The following LRP6 variants were observed in gnomAD, a reference collection of about 807,000 sequenced individuals.
LRP6 encodes the protein LDL receptor related protein 6.
LRP6 carries 43 observed loss-of-function variants against 184.1 expected under a neutral mutation model. The ratio of observed to expected loss-of-function variants is 0.23; its 90% CI spans 0.18 to 0.30. LRP6 has a LOEUF of 0.30. LRP6 is among the 10% of genes least tolerant of loss of function. LRP6 has a pLI of 1.00. For missense variants in LRP6, 1,571 were observed against 2,005.3 expected (o/e 0.78, Z 4.14); for synonymous variants, 719 against 684.9 (o/e 1.05, Z -0.78).
At chr12:12,220,664 T>C (rs935837021) in intron 2 of LRP6, among the ~76,000 whole-genome samples, 17 of 150,800 alleles carry the variant, frequency 1.1e-4, no homozygotes, top group Admixed American at 1.1e-3. Context: ...GGTGGTACAA[T>C]CTCAGCTCAC....
intron 9 of LRP6, among the ~76,000 whole-genome samples, chr12:12,163,493 T>A (rs1862792849): frequency 6.6e-6 from 1 of 152,188 alleles, no homozygotes; most frequent in Non-Finnish European, 1.5e-5. Flanking sequence ...TTCTTCAGAT[T>A]TATAGGTTGG....
chr12:12,225,881 A>AG (rs1364354162), intron 2 of LRP6, among the ~76,000 whole-genome samples: 1 of 152,070 alleles, frequency 6.6e-6, no homozygotes, highest in East Asian at 1.9e-4. Flanking sequence ...CAAAAAAAAA[A>AG]AAAAAGAGAG....
intron 1 of LRP6, among the ~76,000 whole-genome samples, chr12:12,264,398 T>C (rs1207287629): frequency 6.6e-6 from 1 of 152,208 alleles, no homozygotes; most frequent in African/African-American, 2.4e-5. Flanking sequence ...ACACTTGGGC[T>C]TTAAATCCAA....
chr12:12,191,853 T>C (rs967042728), intron 3 of LRP6, among the ~76,000 whole-genome samples: 1 of 149,496 alleles, frequency 6.7e-6, no homozygotes, highest in African/African-American at 2.4e-5. Context: ...GGAAGAAATA[T>C]TACATAATAG....
chr12:12,189,609 C>A (rs1863560972), intron 3 of LRP6, among the ~76,000 whole-genome samples: 4 of 152,066 alleles, frequency 2.6e-5, no homozygotes, highest in Admixed American at 2.6e-4. Flanking sequence ...TCAAGCAATT[C>A]TCCTGCCTCA....
rs1374043401 is a variant in LRP6 at position 12,119,023 on chromosome 12, T to G, written c.*2103A>C. 3 of 152,240 alleles carry G rather than the reference T, an allele frequency of 2.0e-5. No individual in the cohort carries two copies. The highest frequency in any genetic ancestry group is 2.0e-4 in the Admixed American group (3 of 15,288). The allele number at this position is 152,240 out of a possible 1,614,324, so 9.4% of individuals were successfully genotyped here. A position where few individuals can be genotyped will look rare whatever the true frequency, so the allele number is the denominator to read the frequency against. On this transcript the variant is annotated 3_prime_UTR_variant, in exon 23 of 23. Transcript: ENST00000261349. ...ATCTTCATTTAAGCATCAAGTGCCC[T>G]GTGTATCACAGAATCCAAGTTCAAT...
Position 12,121,402 on chromosome 12 carries a change from G to A in LRP6, c.4566C>T (p.Tyr1522=), listed in dbSNP as rs1400873321. Residue 1522 remains tyrosine, a synonymous_variant, in exon 23 of 23, where the codon TAC becomes TAT. Coordinates refer to ENST00000261349, the MANE Select transcript of LRP6 (RefSeq NM_002336.3). ...GTGTGGTGGGGGGTGCAAAGTGCCG[G>A]TAGCTATATGGCCTGTAGCTGGTAT... The part of the protein sequence containing the change: ...HRSYSYRPYS[Y]RHFAPPTTPC... The A allele has an allele frequency of 1.9e-6, 3 of 1,614,058 alleles. No individual in the cohort carries two copies. The highest frequency in any genetic ancestry group is 1.7e-5 in the Admixed American group (1 of 60,012).
intron 3 of LRP6, among the ~76,000 whole-genome samples, chr12:12,197,415 CTGTAAATGTTCAATTGCTACTCAAT>C (rs1863792300): frequency 6.6e-6 from 1 of 152,206 alleles, no homozygotes; most frequent in Non-Finnish European, 1.5e-5. Flanking sequence ...GCACACAGCA[CTGTAAATGTTCAATTGCTACTCAAT>C]TGGTCATTTT....
chr12:12,150,613 C>T (rs1412087625), intron 13 of LRP6, among the ~76,000 whole-genome samples: 2 of 152,170 alleles, frequency 1.3e-5, no homozygotes, highest in Non-Finnish European at 2.9e-5. Context: ...ACCAACACAA[C>T]AGCTTAAGTA....
intron 7 of LRP6, among the ~76,000 whole-genome samples, chr12:12,165,708 T>C (rs769433833): frequency 1.3e-5 from 2 of 152,352 alleles, no homozygotes; most frequent in East Asian, 1.9e-4. Flanking sequence ...GCTTTGCCTA[T>C]GGAAACTGAG....
intron 3 of LRP6, among the ~76,000 whole-genome samples, chr12:12,201,823 C>T (rs1863919786): frequency 6.6e-6 from 1 of 152,136 alleles, no homozygotes; most frequent in Non-Finnish European, 1.5e-5. Context: ...TTACTTAAAA[C>T]CACATTGTTA....
At chr12:12,227,740 CAGTT>C (rs1864668372) in intron 2 of LRP6, among the ~76,000 whole-genome samples, 1 of 152,078 alleles carries the variant, frequency 6.6e-6, no homozygotes, top group South Asian at 2.1e-4. Flanking sequence ...TAACAGGTAA[CAGTT>C]TGTTCAAAAT....
chr12:12,250,008 T>A (rs7298325), intron 1 of LRP6, among the ~76,000 whole-genome samples: 2 of 152,214 alleles, frequency 1.3e-5, no homozygotes, highest in Admixed American at 1.3e-4. Context: ...TTTACAAGCA[T>A]GTCTTTAAAT....
chr12:12,163,861 C>T (rs150147001), intron 9 of LRP6, among the ~76,000 whole-genome samples: 1,952 of 152,222 alleles, frequency 0.013, 45 homozygotes, highest in African/African-American at 0.044. Flanking sequence ...TGGCTGGGCG[C>T]GGTGGCTCAC....
intron 16 of LRP6, among the ~76,000 whole-genome samples, chr12:12,137,353 G>T (rs895153312): frequency 3.3e-5 from 5 of 152,070 alleles, no homozygotes; most frequent in African/African-American, 1.2e-4. Flanking sequence ...GGGTAATTTT[G>T]ATGACAGATA....
chr12:12,133,496 GT>G (rs1469086345), intron 17 of LRP6, among the ~76,000 whole-genome samples: 2 of 152,034 alleles, frequency 1.3e-5, no homozygotes, highest in Non-Finnish European at 2.9e-5. Flanking sequence ...CGCCATCAAA[GT>G]TTCCTGAGGC....
chr12:12,135,303 G>A lies in LRP6; in HGVS notation c.3608-3C>T, dbSNP rs1442406930. The A allele has an allele frequency of 3.7e-6, 6 of 1,610,360 alleles. No homozygotes were observed. Among genetic ancestry groups the A allele is most frequent in the East Asian group, 2.2e-5 (1 of 44,646 alleles). On this transcript the variant is annotated splice_region_variant and splice_polypyrimidine_tract_variant and intron_variant, in intron 16 of 22. Coordinates refer to ENST00000261349, the MANE Select transcript of LRP6 (RefSeq NM_002336.3). ...ATCCTGAGCACAAGGGTGCTGTCCT[G>A]CAAAGAGAAGAGGTGAGGATGGGGA...
At chr12:12,140,592 A>G (rs1448677868) in intron 15 of LRP6, among the ~76,000 whole-genome samples, 2 of 143,374 alleles carry the variant, frequency 1.4e-5, no homozygotes, top group Non-Finnish European at 3.0e-5. Context: ...GCACGAGCAT[A>G]GATTTTAAAA....
In LRP6 at chr12:12,203,328, G is replaced by A; in HGVS notation, c.522C>T (p.Phe174=). The change falls in exon 3 of 23, where the codon TTC becomes TTT. Residue 174 remains phenylalanine (F), a synonymous_variant. Transcript: ENST00000261349. The stretch of plus-strand genomic sequence containing the variant: ...AGTAAATTTCACTGTTTATTATAAT[G>A]AAGCGACTTGAACCATCCATTCCAG... ...ERAGMDGSSR[F]IIINSEIYWP... The A allele has an allele frequency of 6.2e-7, 1 of 1,613,956 alleles. No homozygotes were observed. Among genetic ancestry groups the A allele is most frequent in the Non-Finnish European group, 8.5e-7 (1 of 1,179,892 alleles).
Sources: gnomAD v4.1 joint callset for allele counts (sites outside exome capture counted in the v4.1 genomes callset) on GRCh38, gnomAD v4.1.1 for gene constraint, MANE v1.5 for transcripts, NCBI Gene and HGNC (gene_info 2026-07-23, HGNC 2026-07-21) for gene names.